Variants in CD300LF observed in about 807,000 individuals in gnomAD.
CD300LF encodes CMRF35-like molecule 1.
CD300LF carries 27 observed loss-of-function variants against 32.2 expected under a neutral mutation model. That is an observed-to-expected ratio of 0.84 (90% CI 0.62 to 1.15). The LOEUF is 1.15. Among genes scored for constraint, CD300LF ranks in the 50% most tolerant of loss-of-function variants. The pLI is 0.00. For missense variants in CD300LF, 348 were observed against 356.8 expected, an observed-to-expected ratio of 0.98 and a Z score of 0.20; for synonymous variants, 139 against 143.2, an observed-to-expected ratio of 0.97 and a Z score of 0.21.
chr17:74,698,650 T>C (rs2032751552), intron 3 of CD300LF, 169 bp from the exon 4 acceptor site: 10 of 1,457,414 alleles, frequency 6.9e-6, no homozygotes, highest in Non-Finnish European at 9.1e-6. Flanking sequence ...GGGTTTACAA[T>C]GAGTACACAT....
rs1309535633 is a variant in CD300LF, at chr17:74,694,908, A to T, written c.*188T>A. 3.7e-6 allele frequency: 2 copies of T among 537,364 alleles called. No individual in the cohort carries two copies. The highest frequency in any genetic ancestry group is 3.8e-5 in the African/African-American group (2 of 52,414). The allele number at this position is 537,364 out of a possible 1,614,324, so 33.3% of individuals were successfully genotyped here. A position where few individuals can be genotyped will look rare whatever the true frequency, so the allele number is the denominator to read the frequency against. On this transcript the variant is annotated 3_prime_UTR_variant, in exon 7 of 7. Transcript: ENST00000326165. ...GTAGGAGAGGAGGGGACGTTTAGAAAACCCCAACTCCTAGAAGCCCCCTGA... is the reference window on the plus strand; with the variant it reads ...GTAGGAGAGGAGGGGACGTTTAGAATACCCCAACTCCTAGAAGCCCCCTGA...
At chr17:74,699,390 C>T (rs1289366621) in intron 3 of CD300LF, among the ~76,000 whole-genome samples, 1 of 152,170 alleles carries the variant, frequency 6.6e-6, no homozygotes, top group Non-Finnish European at 1.5e-5. Flanking sequence ...CACATCCACT[C>T]AGACCCGTGA....
At chr17:74,697,303 T>C (rs2032585568) in intron 4 of CD300LF, among the ~76,000 whole-genome samples, 1 of 152,088 alleles carries the variant, frequency 6.6e-6, no homozygotes, top group African/African-American at 2.4e-5. Context: ...GTCCCTGTCT[T>C]CTTTCTCCCC....
At chr17:74,696,937 T>C (rs986014425) in intron 4 of CD300LF, among the ~76,000 whole-genome samples, 1 of 151,906 alleles carries the variant, frequency 6.6e-6, no homozygotes, top group African/African-American at 2.4e-5. Context: ...TGGTTTGGTT[T>C]GGTTTGGTTT....
At chr17:74,695,345 C>G in intron 6 of CD300LF, 94 bp from the exon 7 acceptor site, 2 of 1,456,646 alleles carry the variant, frequency 1.4e-6, no homozygotes, top group Non-Finnish European at 9.4e-7. Flanking sequence ...GGGGATGGAC[C>G]ATTCAGGGCT....
chr17:74,709,822 C>T (rs868021400), intron 1 of CD300LF, among the ~76,000 whole-genome samples: 16 of 152,132 alleles, frequency 1.1e-4, no homozygotes, highest in Admixed American at 5.2e-4. Flanking sequence ...ATCTGCCTGC[C>T]TTAGCCTCAC....
rs150752477 is a variant in CD300LF at position 74,712,450 on chromosome 17, G to A, written c.43+374C>T. ...CCTCCAGCCTCACCTCTTCCCTGACGCCTGCCCTTGCTCAGAACACCTCCA... is the reference window on the plus strand; with the variant it reads ...CCTCCAGCCTCACCTCTTCCCTGACACCTGCCCTTGCTCAGAACACCTCCA... On this transcript the variant is annotated intron_variant, in intron 1 of 6. Coordinates refer to ENST00000326165, the MANE Select transcript of CD300LF (RefSeq NM_139018.5). 4.6e-3 allele frequency among the ~76,000 whole-genome samples: 694 copies of A among 152,104 alleles called. 3 individuals carry two copies. Among genetic ancestry groups the A allele is most frequent in the African/African-American group, 0.016 (655 of 41,482 alleles).
At chr17:74,695,495 C>G (rs2032357379) in intron 6 of CD300LF, among the ~76,000 whole-genome samples, 1 of 152,200 alleles carries the variant, frequency 6.6e-6, no homozygotes, top group African/African-American at 2.4e-5. Context: ...CTCAGCCTGT[C>G]TGGGACTCTG....
At position 74,704,471 on chromosome 17, in the gene CD300LF, C is replaced by T. The variant is rs761516233; in HGVS notation, c.382+7G>A. ...AGAGACACACACATATATACACTCC[C>T]TCTTACCTGGGTCAATGGTCACTTG... On this transcript the variant is annotated splice_region_variant and intron_variant, in intron 2 of 6. Coordinates refer to ENST00000326165, the MANE Select transcript of CD300LF (RefSeq NM_139018.5). The T allele has an allele frequency of 2.5e-6, 4 of 1,601,484 alleles. No individual in the cohort carries two copies. The highest frequency in any genetic ancestry group is 3.4e-6 in the Non-Finnish European group (4 of 1,171,428).
In CD300LF at chr17:74,709,260, T is replaced by C. The variant is rs111947885; in HGVS notation, c.43+3564A>G. 2.5e-3 allele frequency among the ~76,000 whole-genome samples: 386 copies of C among 151,816 alleles called. 1 individual carries two copies. Among genetic ancestry groups the C allele is most frequent in the African/African-American group, 6.0e-3 (250 of 41,408 alleles). On this transcript the variant is annotated intron_variant, in intron 1 of 6. Transcript: ENST00000326165. ...AAAAAGAAAATCAATAAGGGTAATA[T>C]GCCATATTAACAGAGTCAAGGAGAA...
intron 4 of CD300LF, among the ~76,000 whole-genome samples, chr17:74,697,068 A>C (rs545975887): frequency 7.1e-4 from 108 of 152,128 alleles, no homozygotes; most frequent in Non-Finnish European, 1.2e-3. Context: ...TAGCCTCCTG[A>C]GTAGCTGGAA....
intron 3 of CD300LF, among the ~76,000 whole-genome samples, chr17:74,701,390 T>C (rs1257419946): frequency 1.3e-5 from 2 of 152,190 alleles, no homozygotes; most frequent in Non-Finnish European, 2.9e-5. Context: ...GTTAAATAAA[T>C]GAGTGAACAA....
chr17:74,704,113 C>T (rs756265381), intron 2 of CD300LF, among the ~76,000 whole-genome samples: 3 of 152,194 alleles, frequency 2.0e-5, no homozygotes, highest in Non-Finnish European at 4.4e-5. Context: ...GCAGGACACA[C>T]CTGGGCACCA....
rs559600785 is a variant in CD300LF, at chr17:74,695,049, G to C, written c.*47C>G. On this transcript the variant is annotated 3_prime_UTR_variant, in exon 7 of 7. Coordinates refer to ENST00000326165, the MANE Select transcript of CD300LF (RefSeq NM_139018.5). ...CAGGGGGCAGACGGTCGATGAGGCA[G>C]GAGTGTGCTCACAGCCTGGGGTCCA... 8.8e-6 allele frequency: 14 copies of C among 1,588,020 alleles called. No homozygotes were observed. Among genetic ancestry groups the C allele is most frequent in the Non-Finnish European group, 1.2e-5 (14 of 1,165,594 alleles).
In CD300LF at chr17:74,695,791, C is replaced by T. The variant is rs374021872; in HGVS notation, c.651G>A (p.Pro217=). 22 of 1,614,014 alleles carry T rather than the reference C, an allele frequency of 1.4e-5. No homozygotes were observed. Among genetic ancestry groups the T allele is most frequent in the Non-Finnish European group, 1.6e-5 (19 of 1,180,018 alleles). Residue 217 remains proline, a synonymous_variant, in exon 6 of 7, where the codon CCG becomes CCA. Coordinates refer to ENST00000326165, the MANE Select transcript of CD300LF (RefSeq NM_139018.5). ...DLTLQLAGTS[P]QKATTKLSSA... ...AGGAAAGCTTCGTGGTAGCCTTTTG[C>T]GGGGAGGTTCCGGCCAGCTGCAGGG...
intron 2 of CD300LF, among the ~76,000 whole-genome samples, chr17:74,704,091 A>G (rs1027347661): frequency 6.6e-6 from 1 of 152,094 alleles, no homozygotes; most frequent in African/African-American, 2.4e-5. Context: ...CCAGCCCAGA[A>G]CTCCACCAAA....
intron 1 of CD300LF, among the ~76,000 whole-genome samples, chr17:74,708,688 G>C (rs1244940190): frequency 6.6e-6 from 1 of 152,136 alleles, no homozygotes; most frequent in East Asian, 1.9e-4. Flanking sequence ...AGGCCAAGGC[G>C]GGCGGATCAG....
chr17:74,708,789 G>T (rs906008474), intron 1 of CD300LF, among the ~76,000 whole-genome samples: 1 of 151,806 alleles, frequency 6.6e-6, no homozygotes, highest in Non-Finnish European at 1.5e-5. Flanking sequence ...GGTGGCGGGC[G>T]CCTGTAGTCC....
intron 1 of CD300LF, among the ~76,000 whole-genome samples, chr17:74,709,398 A>G (rs1196785732): frequency 1.3e-5 from 2 of 152,278 alleles, no homozygotes; most frequent in East Asian, 3.9e-4. Flanking sequence ...TCTGATAAAG[A>G]TTGTCTATCA....
Sources: allele counts gnomAD v4.1 joint callset (sites outside exome capture counted in the v4.1 genomes callset), GRCh38; gene constraint gnomAD v4.1.1; transcripts MANE v1.5; gene names NCBI Gene and HGNC (gene_info 2026-07-23, HGNC 2026-07-21).